FIG4: variants seen among roughly 807,000 people sequenced by gnomAD.
FIG4 encodes the protein FIG4 phosphoinositide 5-phosphatase.
A neutral mutation model predicts 118.6 loss-of-function variants in FIG4; 112 were observed. The observed-to-expected ratio is 0.94, with a 90% CI of 0.81 to 1.11. The LOEUF (loss-of-function observed/expected upper bound fraction) is 1.11. FIG4 is among the 50% of genes least tolerant of loss of function. The probability of loss-of-function intolerance (pLI) is 0.00; values close to 1 mark genes in which losing one functional copy is unlikely to be tolerated. For missense variants in FIG4, 969 were observed against 1,111.7 expected, an observed-to-expected ratio of 0.87 and a Z score of 1.83; for synonymous variants, 369 against 381.2, an observed-to-expected ratio of 0.97 and a Z score of 0.37.
At chr6:109,770,957 A>G (rs1179124403) in intron 15 of FIG4, among the ~76,000 whole-genome samples, 1 of 152,308 alleles carries the variant, frequency 6.6e-6, no homozygotes, top group South Asian at 2.1e-4. Context: ...ACTCTAAAGG[A>G]CTGCCAGCAG....
chr6:109,760,341 CTAT>C lies in FIG4; in HGVS notation c.1231_1233del (p.Ile411del), dbSNP rs1562667862. 8 of 1,612,700 alleles carry C rather than the reference CTAT, an allele frequency of 5.0e-6. No individual in the cohort carries two copies. The highest frequency in any genetic ancestry group is 5.1e-6 in the Non-Finnish European group (6 of 1,178,738). ...AACCAATTTTTGCCTCCTGAGCACA[CTAT>C]TGTTTATATTCCCTGGGACATGGCC... On this transcript the variant is annotated inframe_deletion, in exon 11 of 23. Coordinates refer to ENST00000230124, the MANE Select transcript of FIG4 (RefSeq NM_014845.6).
intron 10 of FIG4, among the ~76,000 whole-genome samples, chr6:109,754,658 T>C (rs1178976431): frequency 1.3e-5 from 2 of 152,168 alleles, no homozygotes; most frequent in African/African-American, 4.8e-5. Flanking sequence ...TTCTTCCTGG[T>C]TTAGTCTTGG....
chr6:109,715,201 C>A (rs749103411), intron 2 of FIG4, 25 bp downstream of exon 2: 2 of 1,257,434 alleles, frequency 1.6e-6, no homozygotes, highest in African/African-American at 1.5e-5. Context: ...AACCTGACTG[C>A]AAAAAAACTT....
chr6:109,726,956 A>G (rs543842830), intron 3 of FIG4, among the ~76,000 whole-genome samples, 153 bp from the exon 4 acceptor site: 1 of 152,290 alleles, frequency 6.6e-6, no homozygotes, highest in Admixed American at 6.5e-5. Flanking sequence ...AGTCTTAGAG[A>G]ATAATCCTAA....
At chr6:109,705,094 T>C (rs1163774906) in intron 1 of FIG4, among the ~76,000 whole-genome samples, 1 of 152,160 alleles carries the variant, frequency 6.6e-6, no homozygotes, top group South Asian at 2.1e-4. Context: ...AAGATTTTTT[T>C]AAATTAAAAA....
At position 109,727,284 on chromosome 6, in the gene FIG4, A is replaced by G. The variant is rs757422452; in HGVS notation, c.446+19A>G. 4 of 1,464,342 alleles carry G rather than the reference A, an allele frequency of 2.7e-6. No homozygotes were observed. Among genetic ancestry groups the G allele is most frequent in the Non-Finnish European group, 3.6e-6 (4 of 1,103,100 alleles). 90.7% of individuals were successfully genotyped at this position (1,464,342 alleles called of 1,614,324 possible). A position where few individuals can be genotyped will look rare whatever the true frequency, so the allele number is the denominator to read the frequency against. On this transcript the variant is annotated intron_variant, in intron 4 of 22. Coordinates refer to ENST00000230124, the MANE Select transcript of FIG4 (RefSeq NM_014845.6). The stretch of plus-strand genomic sequence containing the variant: ...AAGCTAGGTATGTATGGTGGTAACT[A>G]CCTTTTTTTTTTTGGAGACAAGGTC...
At chr6:109,696,533 TACACACAATGG>T (rs1774725637) in intron 1 of FIG4, among the ~76,000 whole-genome samples, 7 of 152,226 alleles carry the variant, frequency 4.6e-5, no homozygotes, top group African/African-American at 1.7e-4. Context: ...GTGGTATATA[TACACACAATGG>T]AATACTATTC....
Position 109,716,482 on chromosome 6 carries a change from G to C in FIG4, c.203G>C (p.Gly68Ala), listed in dbSNP as rs771884966. Residue 68 changes from glycine to alanine, a missense_variant, in exon 3 of 23, where the codon GGC becomes GCC. This residue lies in a region of FIG4 where 393 missense variants were observed against 409.4 expected (regional missense o/e 0.96). Transcript: ENST00000230124. ...YTQQEVRELL[G>A]RLDLGNRTKM... ...CAACAAGAAGTAAGGGAACTTCTTG[G>C]CCGCTTGGATCTTGGAAATAGAACA... The C allele has an allele frequency of 6.2e-7, 1 of 1,613,748 alleles. No individual in the cohort carries two copies. Among genetic ancestry groups the C allele is most frequent in the Non-Finnish European group, 8.5e-7 (1 of 1,179,704 alleles).
chr6:109,742,396 TCC>T (rs1196727281), intron 8 of FIG4, among the ~76,000 whole-genome samples: 7 of 152,136 alleles, frequency 4.6e-5, no homozygotes, highest in Non-Finnish European at 1.0e-4. Context: ...CTTTGAGTGC[TCC>T]GTCTCTGTTT....
At chr6:109,810,473 A>G (rs1778689473) in intron 22 of FIG4, among the ~76,000 whole-genome samples, 1 of 152,224 alleles carries the variant, frequency 6.6e-6, no homozygotes, top group Non-Finnish European at 1.5e-5. Flanking sequence ...TGTCTGGTTC[A>G]TTGGTTCATT....
chr6:109,711,865 G>A (rs756054593), intron 1 of FIG4, among the ~76,000 whole-genome samples: 2 of 152,166 alleles, frequency 1.3e-5, no homozygotes, highest in African/African-American at 4.8e-5. Context: ...ATTGGTCTGT[G>A]TACTTCAGGG....
intron 1 of FIG4, among the ~76,000 whole-genome samples, chr6:109,695,019 C>T (rs1209911575): frequency 1.3e-5 from 2 of 152,120 alleles, no homozygotes; most frequent in African/African-American, 4.8e-5. Context: ...TTATAGAAAA[C>T]AGTATGGAGG....
intron 15 of FIG4, 68 bp downstream of exon 15, chr6:109,766,963 C>A: frequency 7.8e-7 from 1 of 1,288,610 alleles, no homozygotes; most frequent in Non-Finnish European, 1.1e-6. Flanking sequence ...TCTTTTAAAG[C>A]TATCTGGCTA....
At chr6:109,774,769 A>C (rs1461957763) in intron 15 of FIG4, among the ~76,000 whole-genome samples, 2 of 152,034 alleles carry the variant, frequency 1.3e-5, no homozygotes, top group African/African-American at 4.8e-5. Flanking sequence ...ATTAGGGGTT[A>C]ATCTGTGTCT....
At chr6:109,766,694 G>T in intron 14 of FIG4, 35 bp from the exon 15 acceptor site, 1 of 1,586,414 alleles carries the variant, frequency 6.3e-7, no homozygotes, top group Non-Finnish European at 8.7e-7. Flanking sequence ...CTTTGATTTT[G>T]GTGAAATTCT....
At position 109,743,279 on chromosome 6, in the gene FIG4, G is replaced by A. The variant is rs1319011362; in HGVS notation, c.1039+7G>A. On this transcript the variant is annotated splice_region_variant and intron_variant, in intron 9 of 22. Coordinates refer to ENST00000230124, the MANE Select transcript of FIG4 (RefSeq NM_014845.6). ...CCTAAACCACCTATTACATGTGTGT[G>A]GAGCCATGTTTTTAATAATAACTCC... The A allele has an allele frequency of 1.2e-6, 2 of 1,611,154 alleles. No individual in the cohort carries two copies. Among genetic ancestry groups the A allele is most frequent in the Non-Finnish European group, 1.7e-6 (2 of 1,177,886 alleles).
At chr6:109,820,604 T>G (rs1244931269) in intron 22 of FIG4, among the ~76,000 whole-genome samples, 1 of 152,118 alleles carries the variant, frequency 6.6e-6, no homozygotes, top group Non-Finnish European at 1.5e-5. Context: ...AATGGAGCCC[T>G]GCAGCTGACA....
At chr6:109,741,268 T>C (rs1452659701) in intron 7 of FIG4, among the ~76,000 whole-genome samples, 176 bp from the exon 8 acceptor site, 2 of 152,306 alleles carry the variant, frequency 1.3e-5, no homozygotes, top group East Asian at 3.9e-4. Context: ...CCTTTGTAGC[T>C]GCACTGCAAT....
intron 3 of FIG4, among the ~76,000 whole-genome samples, chr6:109,722,949 A>G (rs1313869233): frequency 1.3e-5 from 2 of 151,886 alleles, no homozygotes; most frequent in Non-Finnish European, 2.9e-5. Context: ...AGAGAGAGGA[A>G]GGAGCCCTGC....
Sources: allele counts gnomAD v4.1 joint callset (sites outside exome capture counted in the v4.1 genomes callset), GRCh38; gene constraint gnomAD v4.1.1; regional missense constraint gnomAD v4.1.1; transcripts MANE v1.5; gene names NCBI Gene and HGNC (gene_info 2026-07-23, HGNC 2026-07-21).